NAV1: variants seen among roughly 807,000 people sequenced by gnomAD.
NAV1 encodes the protein neuron navigator 1, also known as pore membrane and/or filament interacting like protein 3.
In NAV1, 18 loss-of-function variants were observed where a neutral mutation model predicts 175.2. The observed-to-expected ratio is 0.10, with a 90% confidence interval of 0.07 to 0.15. NAV1 has a LOEUF of 0.15. NAV1 is among the 10% of genes least tolerant of loss of function. The pLI is 1.00. For synonymous variants in NAV1, 897 were observed against 978.7 expected (o/e 0.92, Z 1.56); for missense variants, 1,731 against 2,436.6 (o/e 0.71, Z 6.10).
chr1:201,649,109 C>G, exon 1 of NAV1: 1 of 1,612,850 alleles, frequency 6.2e-7, no homozygotes, highest in Non-Finnish European at 8.5e-7. Context: ...ACTCGCTCTT[C>G]CAGGCCAAGG....
chr1:201,607,801 T>C (rs1183949783), intron 2 of NAV1, among the ~76,000 whole-genome samples: 1 of 151,918 alleles, frequency 6.6e-6, no homozygotes, highest in East Asian at 1.9e-4. Context: ...CTGAAGACTT[T>C]AAAATGAAAA....
At chr1:201,654,246 C>T (rs1402509425) in intron 1 of NAV1, among the ~76,000 whole-genome samples, 3 of 152,216 alleles carry the variant, frequency 2.0e-5, no homozygotes, top group Admixed American at 2.0e-4. Context: ...TAACCCCAGG[C>T]CACAGGCCCC....
At position 201,718,880 on chromosome 1, in the gene NAV1, A is replaced by C. The variant is rs577981018; in HGVS notation, c.1226+125A>C. 14 of 1,233,008 alleles carry C rather than the reference A, an allele frequency of 1.1e-5. No individual in the cohort carries two copies. In the African/African-American group the frequency reaches 2.0e-4, roughly 17 times the overall value. The allele number at this position is 1,233,008 out of a possible 1,614,324, so 76.4% of individuals were successfully genotyped here. A position where few individuals can be genotyped will look rare whatever the true frequency, so the allele number is the denominator to read the frequency against. ...TTGCTGTGCTGCTATGAAAGTACAC[A>C]AAAGTGTGCTGTGTACACTTTGTGA... On this transcript the variant is annotated intron_variant, in intron 3 of 29. Coordinates refer to ENST00000367296, the Ensembl canonical transcript of NAV1. This position sits in a 1 kb window ranked among gnomAD's most constrained non-coding sequence, Gnocchi z 4.8.
intron 2 of NAV1, among the ~76,000 whole-genome samples, chr1:201,615,681 T>C (rs1208413878): frequency 6.6e-6 from 1 of 152,236 alleles, no homozygotes. Context: ...ATGCGGACTC[T>C]GGGCTCAGAA....
intron 8 of NAV1, 81 bp from the exon 13 acceptor site, chr1:201,786,348 A>T (rs2102728788): frequency 7.2e-7 from 1 of 1,386,774 alleles, no homozygotes; most frequent in Non-Finnish European, 9.9e-7. Flanking sequence ...GCTCCAGCCT[A>T]GTTCAGACAC....
At chr1:201,544,094 A>T (rs12740361) in intron 1 of NAV1, among the ~76,000 whole-genome samples, 6 of 152,028 alleles carry the variant, frequency 3.9e-5, no homozygotes, top group South Asian at 4.1e-4. Flanking sequence ...TAGCTCAGGG[A>T]TTCTCCATCT....
chr1:201,676,031 T>C (rs1670237075), intron 1 of NAV1, among the ~76,000 whole-genome samples: 1 of 152,228 alleles, frequency 6.6e-6, no homozygotes, highest in South Asian at 2.1e-4. Flanking sequence ...GTCTCAAAAG[T>C]GATCTCTTCT....
intron 25 of NAV1, 55 bp from the exon 30 acceptor site, chr1:201,811,848 G>C (rs1678714866): frequency 6.2e-7 from 1 of 1,612,540 alleles, no homozygotes; most frequent in Non-Finnish European, 8.5e-7. Context: ...GCATGTGGCA[G>C]AAAGCAAGTG....
chr1:201,604,221 A>C (rs1667605226), intron 2 of NAV1, among the ~76,000 whole-genome samples: 1 of 152,134 alleles, frequency 6.6e-6, no homozygotes, highest in Non-Finnish European at 1.5e-5. Flanking sequence ...CGCCTAGCTA[A>C]TTTTTAATTT....
chr1:201,648,992 G>A, exon 1 of NAV1: 1 of 1,613,404 alleles, frequency 6.2e-7, no homozygotes, highest in Non-Finnish European at 8.5e-7. Context: ...AGCTTTATGA[G>A]CCCGAATGGA....
At chr1:201,580,011 G>A (rs1466021447) in intron 1 of NAV1, among the ~76,000 whole-genome samples, 1 of 152,224 alleles carries the variant, frequency 6.6e-6, no homozygotes, top group Non-Finnish European at 1.5e-5. Flanking sequence ...AAACTGGGGG[G>A]AAGGGTGGTC....
chr1:201,647,787 T>A (rs1460861872), upstream of NAV1, among the ~76,000 whole-genome samples: 2 of 151,872 alleles, frequency 1.3e-5, no homozygotes, highest in African/African-American at 2.4e-5. Flanking sequence ...ATACCATTCC[T>A]CCACCCCTCT....
At position 201,718,643 on chromosome 1, in the gene NAV1, C is replaced by A; in HGVS notation, c.1114C>A (p.Leu372Met). The change falls in exon 3 of 30, where the codon CTG becomes ATG. Residue 372 changes from leucine (L) to methionine (M), a missense_variant. Physicochemically the swap from Leu to Met is conservative, Grantham distance 15. Around this residue, in one of 13 missense-constraint regions of NAV1, gnomAD observed 487 missense variants for 581.3 expected, o/e 0.84. Coordinates refer to ENST00000367296, the Ensembl canonical transcript of NAV1. The surrounding 1 kb of genome is among the most constrained non-coding windows in gnomAD (Gnocchi z 4.8). ...CAGCAAGCTCAGCCATATCTCCCGC[C>A]TGGAGCTGGTCGAATCCCTGGACTC... The A allele has an allele frequency of 6.2e-7, 1 of 1,614,216 alleles. No homozygotes were observed. The highest frequency in any genetic ancestry group is 1.6e-4 in the Middle Eastern group (1 of 6,062).
At chr1:201,559,558 G>A (rs1469849076) in intron 1 of NAV1, among the ~76,000 whole-genome samples, 1 of 152,134 alleles carries the variant, frequency 6.6e-6, no homozygotes, top group Non-Finnish European at 1.5e-5. Flanking sequence ...CAGCAAAATT[G>A]TCCATTGAAG....
At chr1:201,546,031 C>T (rs763389675) in intron 1 of NAV1, among the ~76,000 whole-genome samples, 8 of 152,164 alleles carry the variant, frequency 5.3e-5, no homozygotes, top group Non-Finnish European at 1.2e-4. Flanking sequence ...CTGGGTAATG[C>T]CAAGATACCA....
intron 1 of NAV1, among the ~76,000 whole-genome samples, chr1:201,659,382 G>A (rs1669522302): frequency 6.6e-6 from 1 of 152,200 alleles, no homozygotes. Flanking sequence ...TTGGGAGGCC[G>A]AGGTCGTAGA....
At position 201,788,750 on chromosome 1, in the gene NAV1, A is replaced by C; in HGVS notation, c.3166+112A>C. The C allele has an allele frequency of 7.8e-7, 1 of 1,277,576 alleles. No homozygotes were observed. The highest frequency in any genetic ancestry group is 1.1e-6 in the Non-Finnish European group (1 of 933,120). 79.1% of individuals were successfully genotyped at this position (1,277,576 alleles called of 1,614,324 possible). A position where few individuals can be genotyped will look rare whatever the true frequency, so the allele number is the denominator to read the frequency against. ...ACCACACACATATATGATTCACAGA[A>C]CATCAAGTTGGGCCATTTCAGTTTT... On this transcript the variant is annotated intron_variant, in intron 10 of 29. Transcript: ENST00000367296. The surrounding 1 kb of genome is among the most constrained non-coding windows in gnomAD (Gnocchi z 5.7).
At chr1:201,674,187 C>G (rs570236693) in intron 1 of NAV1, 1 of 152,210 alleles carries the variant, frequency 6.6e-6, no homozygotes, top group Admixed American at 6.5e-5. Flanking sequence ...TAGCTGTGGA[C>G]GCAGAGCCAA....
intron 1 of NAV1, among the ~76,000 whole-genome samples, chr1:201,676,989 T>A (rs1352684938): frequency 6.6e-6 from 1 of 152,106 alleles, no homozygotes; most frequent in African/African-American, 2.4e-5. Flanking sequence ...CGGTGGCTCA[T>A]GCCTGTAATC....
Sources: allele counts gnomAD v4.1 joint callset (sites outside exome capture counted in the v4.1 genomes callset), GRCh38; gene constraint gnomAD v4.1.1; regional missense constraint gnomAD v4.1.1; non-coding constraint Gnocchi (gnomAD v3.1); transcripts MANE v1.5; gene names NCBI Gene and HGNC (gene_info 2026-07-23, HGNC 2026-07-21).